The following PIF1 variants were observed in gnomAD, a reference collection of about 807,000 sequenced individuals.
PIF1 encodes PIF1 5'-to-3' DNA helicase, also known as ATP-dependent DNA helicase PIF1.
A neutral mutation model predicts 62.3 loss-of-function variants in PIF1; 67 were observed. That is an observed-to-expected ratio of 1.08 (90% CI 0.88 to 1.32). The LOEUF (loss-of-function observed/expected upper bound fraction) is 1.32. PIF1 is among the 40% of genes most tolerant of loss of function. PIF1 has a pLI of 0.00. For missense variants in PIF1, 886 were observed against 866.1 expected (o/e 1.02, Z -0.29); for synonymous variants, 364 against 379.5 (o/e 0.96, Z 0.47).
chr15:64,823,979 T>A lies in PIF1; in HGVS notation c.357A>T (p.Thr119=), dbSNP rs1457027293. Residue 119 remains threonine (T), a synonymous_variant, in exon 2 of 13, where the codon ACA becomes ACT. Transcript: ENST00000559239. ...PPDRLRRFLR[T]LRLKLAAAPG... ...GGGCCGCAGCCAGCTTGAGGCGCAATGTGCGCAGGAAGCGGCGCAGGCGGT... is the reference window on the plus strand; with the variant it reads ...GGGCCGCAGCCAGCTTGAGGCGCAAAGTGCGCAGGAAGCGGCGCAGGCGGT... 6 of 1,299,780 alleles carry A rather than the reference T, an allele frequency of 4.6e-6. No individual in the cohort carries two copies. The highest frequency in any genetic ancestry group is 5.9e-6 in the Non-Finnish European group (6 of 1,023,180). 80.5% of individuals were successfully genotyped at this position (1,299,780 alleles called of 1,614,324 possible). A position where few individuals can be genotyped will look rare whatever the true frequency, so the allele number is the denominator to read the frequency against.
rs1385875729 is a variant in PIF1, at chr15:64,815,901, G to C, written c.*397C>G. 1 of 1,550,620 alleles carries C rather than the reference G, an allele frequency of 6.4e-7. No individual in the cohort carries two copies. Among genetic ancestry groups the C allele is most frequent in the East Asian group, 2.4e-5 (1 of 40,926 alleles). On this transcript the variant is annotated 3_prime_UTR_variant, in exon 13 of 13. Coordinates refer to ENST00000559239, the MANE Select transcript of PIF1 (RefSeq NM_001286496.2). ...CCCACCAGTCCCCTCCAAGAGCCCT[G>C]ATGCTGCTTCCGGAGCACCTGTCTT...
Position 64,815,860 on chromosome 15 carries a change from G to A in PIF1, c.*438C>T. On this transcript the variant is annotated 3_prime_UTR_variant, in exon 13 of 13. Coordinates refer to ENST00000559239, the MANE Select transcript of PIF1 (RefSeq NM_001286496.2). ...AAGTTCCGTTCTCTGTTTGGAGGCT[G>A]CACCCAGCCTGAGTCCCCACCAGTC... is the stretch of plus-strand genomic sequence containing the variant. 1 of 1,550,622 alleles carries A rather than the reference G, an allele frequency of 6.4e-7. No individual in the cohort carries two copies. Among genetic ancestry groups the A allele is most frequent in the Non-Finnish European group, 8.7e-7 (1 of 1,147,002 alleles).
intron 8 of PIF1, 130 bp from the exon 9 acceptor site, chr15:64,819,353 C>A: frequency 1.5e-6 from 1 of 665,530 alleles, no homozygotes; most frequent in Non-Finnish European, 2.5e-6. Flanking sequence ...CTCTGTTGCC[C>A]AGACTGGAGT....
Position 64,822,400 on chromosome 15 carries a change from G to C in PIF1, c.692-9C>G, listed in dbSNP as rs369793024. ...ATATGACTTCCCTGTTCCTGGACAG[G>C]GGCAAAGTTAGACAGGTCTCCCTGT... is the stretch of plus-strand genomic sequence containing the variant. On this transcript the variant is annotated splice_polypyrimidine_tract_variant and intron_variant, in intron 3 of 12. Coordinates refer to ENST00000559239, the MANE Select transcript of PIF1 (RefSeq NM_001286496.2). The C allele has an allele frequency of 4.2e-5, 67 of 1,614,000 alleles. No individual in the cohort carries two copies. Among genetic ancestry groups the C allele is most frequent in the Non-Finnish European group, 2.6e-5 (31 of 1,180,016 alleles).
At chr15:64,823,051 GATTC>G (rs1329652157) in intron 2 of PIF1, among the ~76,000 whole-genome samples, 1 of 152,082 alleles carries the variant, frequency 6.6e-6, no homozygotes, top group East Asian at 1.9e-4. Context: ...GGTGGGCTAT[GATTC>G]ACCTGCCCCA....
chr15:64,823,362 C>T (rs562567087), intron 2 of PIF1: 1 of 154,286 alleles, frequency 6.5e-6, no homozygotes, highest in Admixed American at 6.5e-5. Context: ...ATTCTCCTGC[C>T]TCAGCCTCCC....
At chr15:64,818,230 G>A (rs1284391458) in intron 10 of PIF1, 27 bp downstream of exon 10, 2 of 1,613,410 alleles carry the variant, frequency 1.2e-6, no homozygotes, top group South Asian at 2.2e-5. Context: ...CCCCGTAGCA[G>A]GACTGCCACC....
At chr15:64,826,709 CATATATATATACACACACAT>C (rs2084376497), upstream of PIF1, among the ~76,000 whole-genome samples, 1 of 134,610 alleles carries the variant, frequency 7.4e-6, no homozygotes, top group East Asian at 2.1e-4. Flanking sequence ...TATACACACA[CATATATATATACACACACAT>C]ATATATATAT....
chr15:64,821,487 C>T lies in PIF1; in HGVS notation c.851G>A (p.Cys284Tyr), dbSNP rs746295953. 1.9e-5 allele frequency: 30 copies of T among 1,613,826 alleles called. No individual in the cohort carries two copies. Among genetic ancestry groups the T allele is most frequent in the Non-Finnish European group, 2.4e-5 (28 of 1,179,896 alleles). The change falls in exon 5 of 13, where the codon TGT (cysteine) becomes TAT (tyrosine). Residue 284 changes from cysteine to tyrosine, a missense_variant. By Grantham distance (194) the Cys-to-Tyr change is radical. Coordinates refer to ENST00000559239, the MANE Select transcript of PIF1 (RefSeq NM_001286496.2). ...IGSGQAPLAQ[C>Y]VALAQRPGVR... Reference sequence around the variant, plus strand: ...GCCTGGCCTTTGGGCCAGGGCCACACACTGGGCTAGAGGAGCCTGGCCTGA... The same window carrying T: ...GCCTGGCCTTTGGGCCAGGGCCACATACTGGGCTAGAGGAGCCTGGCCTGA...
At position 64,824,209 on chromosome 15, in the gene PIF1, G is replaced by A. The variant is rs577089298; in HGVS notation, c.127C>T (p.Leu43=). Residue 43 remains leucine, a synonymous_variant, in exon 2 of 13, where the codon CTG becomes TTG. Coordinates refer to ENST00000559239, the MANE Select transcript of PIF1 (RefSeq NM_001286496.2). ...CGGCGCTCGTTGCGACCCAGGCTCAGCTCCGCGGTGCGCAGGGCCTGGCGC... is the reference window on the plus strand; with the variant it reads ...CGGCGCTCGTTGCGACCCAGGCTCAACTCCGCGGTGCGCAGGGCCTGGCGC... The part of the protein sequence containing the change: ...RRRQALRTAE[L]SLGRNERREL... 1 of 1,352,950 alleles carries A rather than the reference G, an allele frequency of 7.4e-7. No homozygotes were observed. Among genetic ancestry groups the A allele is most frequent in the Non-Finnish European group, 9.6e-7 (1 of 1,046,378 alleles). 83.8% of individuals were successfully genotyped at this position (1,352,950 alleles called of 1,614,324 possible).
chr15:64,826,727 C>CAT (rs1193363058), upstream of PIF1, among the ~76,000 whole-genome samples: 1,998 of 131,394 alleles, frequency 0.015, 44 homozygotes, highest in African/African-American at 0.041. Flanking sequence ...TATACACACA[C>CAT]ATATATATAT....
chr15:64,826,667 C>CATATACAT (rs1315075229), upstream of PIF1, among the ~76,000 whole-genome samples: 5 of 66,568 alleles, frequency 7.5e-5, no homozygotes, highest in Middle Eastern at 7.8e-3. Flanking sequence ...TATATATATA[C>CATATACAT]ACACACACAC....
Position 64,815,984 on chromosome 15 carries a change from T to C in PIF1, c.*314A>G. 1 of 1,521,522 alleles carries C rather than the reference T, an allele frequency of 6.6e-7. No individual in the cohort carries two copies. The highest frequency in any genetic ancestry group is 8.8e-7 in the Non-Finnish European group (1 of 1,133,004). The allele number at this position is 1,521,522 out of a possible 1,614,324, so 94.3% of individuals were successfully genotyped here. A position where few individuals can be genotyped will look rare whatever the true frequency, so the allele number is the denominator to read the frequency against. ...GGATGTTCAGGACTCTGCAGCTCTG[T>C]GTCCAGCCCTTGCAGAGAGCTTTGT... is the stretch of plus-strand genomic sequence containing the variant. On this transcript the variant is annotated 3_prime_UTR_variant, in exon 13 of 13. Transcript: ENST00000559239.
Position 64,823,768 on chromosome 15 carries a change from C to A in PIF1, c.558+10G>T. 7.6e-7 allele frequency: 1 copy of A among 1,316,278 alleles called. No individual in the cohort carries two copies. The highest frequency in any genetic ancestry group is 2.8e-5 in the East Asian group (1 of 35,548). 81.5% of individuals were successfully genotyped at this position (1,316,278 alleles called of 1,614,324 possible). On this transcript the variant is annotated intron_variant, in intron 2 of 12. Coordinates refer to ENST00000559239, the MANE Select transcript of PIF1 (RefSeq NM_001286496.2). The stretch of plus-strand genomic sequence containing the variant: ...TACTCCTAAAGGTGTCCCTTCTTTC[C>A]CGTCCTCACTGTGCTAGGCTCGGCC...
At chr15:64,822,647 C>A in intron 2 of PIF1, 37 bp from the exon 3 acceptor site, 1 of 1,611,300 alleles carries the variant, frequency 6.2e-7, no homozygotes, top group Non-Finnish European at 8.5e-7. Context: ...CATCCTCCCA[C>A]CCGCTAGGCA....
At position 64,821,042 on chromosome 15, in the gene PIF1, T is replaced by G; in HGVS notation, c.1133A>C (p.Lys378Thr). 6.2e-7 allele frequency: 1 copy of G among 1,614,144 alleles called. No homozygotes were observed. The highest frequency in any genetic ancestry group is 8.5e-7 in the Non-Finnish European group (1 of 1,180,006). Residue 378 changes from lysine (K) to threonine (T), a missense_variant, in exon 7 of 13, where the codon AAG becomes ACG. Coordinates refer to ENST00000559239, the MANE Select transcript of PIF1 (RefSeq NM_001286496.2). ...RCVPVTLELT[K>T]VWRQADQTFI... is the part of the protein sequence containing the mutation. ...GGTCTGGTCTGCCTGCCTCCACACC[T>G]TGGTCAGCTCCAGGGTCACTGGCAC... is the stretch of plus-strand genomic sequence containing the variant.
chr15:64,815,978 GCT>G lies in PIF1; in HGVS notation c.*318_*319del. The G allele has an allele frequency of 6.5e-7, 1 of 1,533,844 alleles. No individual in the cohort carries two copies. The highest frequency in any genetic ancestry group is 2.5e-5 in the East Asian group (1 of 40,718). ...AAGGAGGGATGTTCAGGACTCTGCA[GCT>G]CTGTGTCCAGCCCTTGCAGAGAGCT... On this transcript the variant is annotated 3_prime_UTR_variant, in exon 13 of 13. Transcript: ENST00000559239.
At chr15:64,820,233 C>T (rs2084266750) in intron 7 of PIF1, among the ~76,000 whole-genome samples, 1 of 152,184 alleles carries the variant, frequency 6.6e-6, no homozygotes, top group South Asian at 2.1e-4. Flanking sequence ...CCTGTGCTGC[C>T]CCAGGTCAGA....
Position 64,816,145 on chromosome 15 carries a change from C to T in PIF1, c.*153G>A. The stretch of plus-strand genomic sequence containing the variant: ...GGTATATGGGTTTAAAGTACTCTCC[C>T]TTTAACCCTGCCAGGAGGCTGAGAG... On this transcript the variant is annotated 3_prime_UTR_variant, in exon 13 of 13. Coordinates refer to ENST00000559239, the MANE Select transcript of PIF1 (RefSeq NM_001286496.2). 1 of 1,487,812 alleles carries T rather than the reference C, an allele frequency of 6.7e-7. No individual in the cohort carries two copies. The highest frequency in any genetic ancestry group is 8.9e-7 in the Non-Finnish European group (1 of 1,124,244). The allele number at this position is 1,487,812 out of a possible 1,614,324, so 92.2% of individuals were successfully genotyped here.
Sources: allele counts gnomAD v4.1 joint callset (sites outside exome capture counted in the v4.1 genomes callset), GRCh38; gene constraint gnomAD v4.1.1; transcripts MANE v1.5; gene names NCBI Gene and HGNC (gene_info 2026-07-23, HGNC 2026-07-21).